Variants in PDE10A observed in about 807,000 individuals in gnomAD.
The protein encoded by PDE10A is phosphodiesterase 10A.
Under a neutral mutation model 97.7 loss-of-function variants are expected in PDE10A, and 39 were observed. The ratio of observed to expected loss-of-function variants is 0.40; its 90% CI spans 0.31 to 0.52. The LOEUF (loss-of-function observed/expected upper bound fraction) is 0.52. PDE10A is among the 20% of genes least tolerant of loss of function. The pLI is 0.56. For missense variants in PDE10A, 731 were observed against 1,047.8 expected, an observed-to-expected ratio of 0.70 and a Z score of 4.17; for synonymous variants, 371 against 376.8, an observed-to-expected ratio of 0.98 and a Z score of 0.18.
intron 1 of PDE10A, among the ~76,000 whole-genome samples, chr6:165,869,441 CAA>C (rs1346101612): frequency 6.6e-6 from 1 of 151,752 alleles, no homozygotes; most frequent in Non-Finnish European, 1.5e-5. Flanking sequence ...TGAAAGAAAT[CAA>C]AGAGGACACA....
In PDE10A at chr6:165,825,334, A is replaced by T. The variant is rs140065818; in HGVS notation, c.-615+162195T>A. Among the ~76,000 whole-genome samples the T allele has an allele frequency of 3.4e-3, 513 of 152,018 alleles. 1 individual carries two copies. Among genetic ancestry groups the T allele is most frequent in the African/African-American group, 0.011 (470 of 41,450 alleles). Reference sequence around the variant, plus strand: ...GCCAAGTGGGTCTTTTTCATTCCTCATGGCAAAGTGGTTTTTAATTGCACC... The same window carrying T: ...GCCAAGTGGGTCTTTTTCATTCCTCTTGGCAAAGTGGTTTTTAATTGCACC... On this transcript the variant is annotated intron_variant, in intron 1 of 19. Transcript: ENST00000366882.
At chr6:165,337,665 A>G (rs1781731301) in intron 20 of PDE10A, among the ~76,000 whole-genome samples, 1 of 152,218 alleles carries the variant, frequency 6.6e-6, no homozygotes, top group African/African-American at 2.4e-5. Context: ...TGAACTGATC[A>G]TAGAAATTTT....
intron 1 of PDE10A, among the ~76,000 whole-genome samples, chr6:165,888,180 C>T (rs1419286321): frequency 6.6e-6 from 1 of 152,086 alleles, no homozygotes; most frequent in African/African-American, 2.4e-5. Flanking sequence ...CTTTGCTCAC[C>T]CCTCCATCCC....
chr6:165,964,569 G>A (rs781141591), intron 1 of PDE10A, among the ~76,000 whole-genome samples: 15 of 152,092 alleles, frequency 9.9e-5, no homozygotes, highest in Non-Finnish European at 1.8e-4. Flanking sequence ...GATGAGTCAC[G>A]ATCTCTCTCA....
At chr6:165,425,714 C>T (rs1789080215) in intron 10 of PDE10A, among the ~76,000 whole-genome samples, 1 of 151,252 alleles carries the variant, frequency 6.6e-6, no homozygotes, top group Admixed American at 6.6e-5. Context: ...AGAAAGAAAA[C>T]ACATCTGGAT....
At chr6:165,876,775 T>G (rs1024853712) in intron 1 of PDE10A, among the ~76,000 whole-genome samples, 2 of 152,120 alleles carry the variant, frequency 1.3e-5, no homozygotes, top group African/African-American at 4.8e-5. Flanking sequence ...CAGTGAGAAT[T>G]GTTTGGAGAC....
intron 1 of PDE10A, among the ~76,000 whole-genome samples, chr6:165,631,335 A>C (rs1221606070): frequency 6.6e-6 from 1 of 152,242 alleles, no homozygotes; most frequent in East Asian, 1.9e-4. Context: ...ATTGTTATAC[A>C]TAATTGTTAC....
intron 1 of PDE10A, among the ~76,000 whole-genome samples, chr6:165,631,305 A>G (rs1364753867): frequency 1.3e-5 from 2 of 152,256 alleles, no homozygotes. Context: ...ATTGTTATAC[A>G]CACACGTATG....
At chr6:165,940,621 C>T (rs1216566863) in intron 1 of PDE10A, 3 of 152,298 alleles carry the variant, frequency 2.0e-5, no homozygotes, top group African/African-American at 7.2e-5. Flanking sequence ...CGCGTTTCCT[C>T]GGCTGCCTGG....
At chr6:165,722,055 C>T (rs80189663) in intron 1 of PDE10A, among the ~76,000 whole-genome samples, 1,598 of 152,280 alleles carry the variant, frequency 0.01, 31 homozygotes, top group African/African-American at 0.037. Context: ...AATTTGTATA[C>T]TTATTCAAAA....
intron 1 of PDE10A, among the ~76,000 whole-genome samples, chr6:165,837,087 A>C (rs1780082540): frequency 6.7e-6 from 1 of 150,016 alleles, no homozygotes; most frequent in Non-Finnish European, 1.5e-5. Context: ...ACTGGGAGAT[A>C]TACCTAATGC....
intron 1 of PDE10A, among the ~76,000 whole-genome samples, chr6:165,962,741 G>T (rs1042125248): frequency 6.6e-6 from 1 of 152,188 alleles, no homozygotes; most frequent in Non-Finnish European, 1.5e-5. Context: ...TCCTCATTAT[G>T]ACCTTTATAA....
At chr6:165,870,515 A>G (rs1399542669) in intron 1 of PDE10A, among the ~76,000 whole-genome samples, 1 of 152,228 alleles carries the variant, frequency 6.6e-6, no homozygotes, top group Non-Finnish European at 1.5e-5. Flanking sequence ...AGGAATGCAA[A>G]TTAGTACAAC....
intron 13 of PDE10A, among the ~76,000 whole-genome samples, chr6:165,401,834 TACCCAAAAACATATCAAG>T (rs1786690343): frequency 6.6e-6 from 1 of 152,198 alleles, no homozygotes; most frequent in African/African-American, 2.4e-5. Flanking sequence ...TAATATCATT[TACCCAAAAACATATCAAG>T]ACCCAAGTTT....
intron 1 of PDE10A, among the ~76,000 whole-genome samples, chr6:165,774,402 C>T (rs118105064): frequency 0.01 from 1,557 of 149,480 alleles, 13 homozygotes; most frequent in Non-Finnish European, 0.015. Context: ...TTTAAAAATG[C>T]ATGAAAGTAC....
intron 1 of PDE10A, among the ~76,000 whole-genome samples, chr6:165,777,396 C>T (rs1390577526): frequency 6.6e-6 from 1 of 152,158 alleles, no homozygotes; most frequent in African/African-American, 2.4e-5. Context: ...TTAGGTTTTC[C>T]TATAGGACCC....
At chr6:165,478,993 T>C (rs1465026302) in intron 3 of PDE10A, among the ~76,000 whole-genome samples, 2 of 152,172 alleles carry the variant, frequency 1.3e-5, no homozygotes, top group African/African-American at 2.4e-5. Context: ...CTGAATGATA[T>C]CTTATGTCTC....
chr6:165,356,035 G>A (rs1057493420), intron 18 of PDE10A, among the ~76,000 whole-genome samples: 5 of 152,104 alleles, frequency 3.3e-5, no homozygotes, highest in Admixed American at 2.0e-4. Context: ...TTATATGGCT[G>A]CAGGAGAGAG....
chr6:165,715,624 G>A (rs868857512), intron 1 of PDE10A, among the ~76,000 whole-genome samples: 2 of 152,146 alleles, frequency 1.3e-5, no homozygotes, highest in Admixed American at 6.5e-5. Context: ...ATGCACACAC[G>A]TGAACACACG....
Sources: allele counts gnomAD v4.1 joint callset (sites outside exome capture counted in the v4.1 genomes callset), GRCh38; gene constraint gnomAD v4.1.1; transcripts MANE v1.5; gene names NCBI Gene and HGNC (gene_info 2026-07-23, HGNC 2026-07-21).